The following AGK variants were observed in gnomAD, a reference collection of about 807,000 sequenced individuals.
AGK encodes the protein acylglycerol kinase.
A neutral mutation model predicts 66.4 loss-of-function variants in AGK; 52 were observed. That is an observed-to-expected ratio of 0.78 (90% CI 0.63 to 0.99). The LOEUF (loss-of-function observed/expected upper bound fraction) is 0.99, where lower values mean the gene tolerates loss of function less well. Among genes scored for constraint, AGK ranks in the 50% least tolerant of loss-of-function variants. The probability of loss-of-function intolerance (pLI) is 0.00; values close to 1 mark genes in which losing one functional copy is unlikely to be tolerated. For missense variants in AGK, 451 were observed against 506.6 expected (o/e 0.89, Z 1.05); for synonymous variants, 182 against 181.1 (o/e 1.00, Z -0.04).
chr7:141,631,747 G>A (rs925296874), intron 9 of AGK, among the ~76,000 whole-genome samples: 1 of 152,116 alleles, frequency 6.6e-6, no homozygotes, highest in South Asian at 2.1e-4. Flanking sequence ...ATTAGAGCAT[G>A]TCACTTCTCT....
intron 9 of AGK, among the ~76,000 whole-genome samples, chr7:141,632,922 C>G (rs1587150476): frequency 6.6e-6 from 1 of 152,208 alleles, no homozygotes; most frequent in East Asian, 1.9e-4. Flanking sequence ...AAGTGACCTG[C>G]TTTTGGCGTA....
chr7:141,611,322 G>A, intron 6 of AGK, 35 bp downstream of exon 6: 1 of 1,505,110 alleles, frequency 6.6e-7, no homozygotes, highest in South Asian at 1.2e-5. Flanking sequence ...CTATTTTGAA[G>A]GTGAGAAAAA....
At chr7:141,618,773 GT>G (rs2116969688) in intron 8 of AGK, among the ~76,000 whole-genome samples, 1 of 152,232 alleles carries the variant, frequency 6.6e-6, no homozygotes, top group Non-Finnish European at 1.5e-5. Flanking sequence ...GAGGTGCCCT[GT>G]TTGGTTAGGA....
At chr7:141,601,101 T>A in intron 4 of AGK, 104 bp from the exon 5 acceptor site, 1 of 760,466 alleles carries the variant, frequency 1.3e-6, no homozygotes. Context: ...GAAACCCGTA[T>A]TGCATAGTCT....
At chr7:141,559,955 ATTAG>A (rs2116853484) in intron 2 of AGK, among the ~76,000 whole-genome samples, 1 of 150,246 alleles carries the variant, frequency 6.7e-6, no homozygotes, top group Admixed American at 6.7e-5. Flanking sequence ...TGCTGAATTT[ATTAG>A]TTCTAACAGC....
chr7:141,628,711 T>C (rs1353858287), intron 9 of AGK, among the ~76,000 whole-genome samples: 1 of 152,204 alleles, frequency 6.6e-6, no homozygotes, highest in East Asian at 1.9e-4. Context: ...AAAAGAATCC[T>C]TTGATTATGA....
intron 13 of AGK, 47 bp downstream of exon 13, chr7:141,641,955 T>C: frequency 6.9e-7 from 1 of 1,443,578 alleles, no homozygotes; most frequent in Non-Finnish European, 9.5e-7. Flanking sequence ...CTAAGAAAAG[T>C]GACAATAGCT....
intron 11 of AGK, among the ~76,000 whole-genome samples, chr7:141,640,234 C>T (rs1365590583): frequency 1.3e-5 from 2 of 152,124 alleles, no homozygotes; most frequent in African/African-American, 4.8e-5. Context: ...ATACTGTGAA[C>T]AAAGGTGTCC....
intron 5 of AGK, among the ~76,000 whole-genome samples, chr7:141,609,464 G>A (rs35613723): frequency 0.082 from 12,479 of 152,200 alleles, 1,070 homozygotes; most frequent in African/African-American, 0.21. Flanking sequence ...GATACTACTC[G>A]GGAACAACAA....
chr7:141,600,682 A>G (rs1348690402), intron 4 of AGK, among the ~76,000 whole-genome samples: 2 of 152,200 alleles, frequency 1.3e-5, no homozygotes, highest in African/African-American at 4.8e-5. Context: ...GGAAGTCTCT[A>G]ATCACCATAC....
intron 2 of AGK, among the ~76,000 whole-genome samples, chr7:141,587,916 AC>A (rs1796027280): frequency 6.6e-6 from 1 of 152,196 alleles, no homozygotes; most frequent in Admixed American, 6.5e-5. Context: ...TTACTATGCC[AC>A]CAATATTTAC....
At chr7:141,599,865 C>CA (rs1308658651) in intron 4 of AGK, among the ~76,000 whole-genome samples, 1 of 152,202 alleles carries the variant, frequency 6.6e-6, no homozygotes, top group African/African-American at 2.4e-5. Flanking sequence ...ATAATACACT[C>CA]AGGCCCTTGG....
At chr7:141,648,455 G>C (rs542483433) in intron 13 of AGK, among the ~76,000 whole-genome samples, 120 of 152,306 alleles carry the variant, frequency 7.9e-4, no homozygotes, top group Middle Eastern at 3.4e-3. Flanking sequence ...ATTCTTAGTT[G>C]AGAGTTCTTT....
chr7:141,564,351 A>G (rs1057190021), intron 2 of AGK, among the ~76,000 whole-genome samples: 2 of 152,206 alleles, frequency 1.3e-5, no homozygotes, highest in African/African-American at 4.8e-5. Context: ...GGCCTCAGGA[A>G]ACTTACAGTC....
At chr7:141,616,145 G>A (rs896825593) in intron 8 of AGK, 22 of 152,140 alleles carry the variant, frequency 1.4e-4, no homozygotes, top group African/African-American at 4.6e-4. Context: ...TGTTATTATT[G>A]TTCTTTTTTG....
intron 8 of AGK, among the ~76,000 whole-genome samples, chr7:141,618,688 A>G (rs1396690649): frequency 6.6e-6 from 1 of 152,174 alleles, no homozygotes; most frequent in Non-Finnish European, 1.5e-5. Context: ...CATTCAAATC[A>G]GTTACCATAG....
chr7:141,649,108 AAAAG>A (rs1260027422), intron 13 of AGK, 151 bp from the exon 14 acceptor site: 2 of 435,848 alleles, frequency 4.6e-6, no homozygotes, highest in East Asian at 6.9e-5. Context: ...AAAAAAAAAA[AAAAG>A]ATTGAAAATA....
Position 141,653,104 on chromosome 7 carries a change from C to A in AGK, c.*180C>A. The A allele has an allele frequency of 1.6e-6, 1 of 639,346 alleles. No homozygotes were observed. Among genetic ancestry groups the A allele is most frequent in the Non-Finnish European group, 2.6e-6 (1 of 381,650 alleles). 39.6% of individuals were successfully genotyped at this position (639,346 alleles called of 1,614,324 possible). ...AAAGTGTGCTCTGTCACCTGCTTTGCAATCGGCTTCCATTAGCGCATGTTT... is the reference window on the plus strand; with the variant it reads ...AAAGTGTGCTCTGTCACCTGCTTTGAAATCGGCTTCCATTAGCGCATGTTT... On this transcript the variant is annotated 3_prime_UTR_variant, in exon 16 of 16. Coordinates refer to ENST00000649286, the MANE Select transcript of AGK (RefSeq NM_018238.4).
chr7:141,628,940 G>GT (rs1014174999), intron 9 of AGK, among the ~76,000 whole-genome samples: 1 of 151,938 alleles, frequency 6.6e-6, no homozygotes, highest in Non-Finnish European at 1.5e-5. Flanking sequence ...TTTTCTTTTT[G>GT]TTTTTTCAAC....
Sources: gnomAD v4.1 joint callset for allele counts (sites outside exome capture counted in the v4.1 genomes callset) on GRCh38, gnomAD v4.1.1 for gene constraint, MANE v1.5 for transcripts, NCBI Gene and HGNC (gene_info 2026-07-23, HGNC 2026-07-21) for gene names.